The following AGAP1 variants were observed in gnomAD, a reference collection of about 807,000 sequenced individuals.
AGAP1 encodes ArfGAP with GTPase domain, ankyrin repeat and PH domain 1.
AGAP1 carries 29 observed loss-of-function variants against 105.3 expected under a neutral mutation model. The ratio of observed to expected loss-of-function variants is 0.28; its 90% CI spans 0.21 to 0.38. The LOEUF (loss-of-function observed/expected upper bound fraction) is 0.38, where lower values mean the gene tolerates loss of function less well. AGAP1 is among the 10% of genes least tolerant of loss of function. The pLI is 1.00. For synonymous variants in AGAP1, 509 were observed against 485.9 expected (o/e 1.05, Z -0.63); for missense variants, 998 against 1,165.1 (o/e 0.86, Z 2.09).
rs144224369 is a variant in AGAP1 at position 235,825,652 on chromosome 2, A to G, written c.1050+18321A>G. Among the ~76,000 whole-genome samples the G allele has an allele frequency of 2.6e-5, 4 of 152,374 alleles. No individual in the cohort carries two copies. The East Asian group carries it at 7.7e-4, about 29-fold the overall frequency. On this transcript the variant is annotated intron_variant, in intron 9 of 17. Transcript: ENST00000304032. Reference sequence around the variant, plus strand: ...CTTCATTAAAAAGCTTAAGATGGCTAGAACTAAATATACATTGAACACAAT... The same window carrying G: ...CTTCATTAAAAAGCTTAAGATGGCTGGAACTAAATATACATTGAACACAAT...
At position 235,961,705 on chromosome 2, in the gene AGAP1, C is replaced by A. The variant is rs1051060733; in HGVS notation, c.1484-6757C>A. On this transcript the variant is annotated intron_variant, in intron 12 of 17. Coordinates refer to ENST00000304032, the MANE Select transcript of AGAP1 (RefSeq NM_001037131.3). The surrounding 1 kb of genome is among the most constrained non-coding windows in gnomAD (Gnocchi z 5.9). Reference sequence around the variant, plus strand: ...CGGATGGATCATGAGGTCAAGAGATCGAGACCATCCTGGCCAACATGTTGA... The same window carrying A: ...CGGATGGATCATGAGGTCAAGAGATAGAGACCATCCTGGCCAACATGTTGA... 6.6e-6 allele frequency among the ~76,000 whole-genome samples: 1 copy of A among 152,130 alleles called. No individual in the cohort carries two copies. The highest frequency in any genetic ancestry group is 2.1e-4 in the South Asian group (1 of 4,830).
intron 1 of AGAP1, among the ~76,000 whole-genome samples, chr2:235,644,323 C>G (rs1947301105): frequency 6.6e-6 from 1 of 152,200 alleles, no homozygotes; most frequent in Non-Finnish European, 1.5e-5. Context: ...CGATCTCTGT[C>G]CCGTTCACTG....
chr2:235,595,844 G>T (rs1312208866), intron 1 of AGAP1, among the ~76,000 whole-genome samples: 8 of 152,154 alleles, frequency 5.3e-5, no homozygotes, highest in Non-Finnish European at 7.3e-5. Context: ...AAAATTATAC[G>T]TTTACTTGCC....
rs2051254843 is a variant in AGAP1 at position 235,905,365 on chromosome 2, A to T, written c.1156-3373A>T. Among the ~76,000 whole-genome samples the T allele has an allele frequency of 6.6e-6, 1 of 152,246 alleles. No individual in the cohort carries two copies. On this transcript the variant is annotated intron_variant, in intron 10 of 17. Transcript: ENST00000304032. The surrounding 1 kb of genome is among the most constrained non-coding windows in gnomAD (Gnocchi z 4.2). ...AAGGAATTCATTATTTACAAGCATT[A>T]ACTTTGGTTTGGAAAGTTGGGTTTG...
chr2:235,825,927 T>C (rs1443859407), intron 9 of AGAP1, among the ~76,000 whole-genome samples: 2 of 152,216 alleles, frequency 1.3e-5, no homozygotes, highest in Non-Finnish European at 2.9e-5. Context: ...CACAGTGTGC[T>C]GCTTTCACAT....
In AGAP1 at chr2:235,795,673, ATAG is replaced by A. The variant is rs530276324; in HGVS notation, c.674-2082_674-2080del. Among the ~76,000 whole-genome samples, 228 of 152,318 alleles carry A rather than the reference ATAG, an allele frequency of 1.5e-3. 1 individual carries two copies. Among genetic ancestry groups the A allele is most frequent in the Non-Finnish European group, 2.3e-3 (155 of 68,034 alleles). On this transcript the variant is annotated intron_variant, in intron 6 of 17. Transcript: ENST00000304032. ...GAAATAGGACAAATATGAAAAAAAA[ATAG>A]TAGAGTTTAAAAACTACTACCAGTT...
chr2:236,018,661 A>G (rs999753977), intron 13 of AGAP1, among the ~76,000 whole-genome samples: 2 of 152,242 alleles, frequency 1.3e-5, no homozygotes, highest in African/African-American at 4.8e-5. Flanking sequence ...TGCCAAGCCC[A>G]TTCCCTGGCA....
In AGAP1 at chr2:235,965,392, C is replaced by T. The variant is rs1032603329; in HGVS notation, c.1484-3070C>T. 1.6e-4 allele frequency among the ~76,000 whole-genome samples: 25 copies of T among 151,910 alleles called. No individual in the cohort carries two copies. The highest frequency in any genetic ancestry group is 2.5e-4 in the Non-Finnish European group (17 of 67,986). ...TAAGGGAAAGGAAGTCTTACGGGGG[C>T]GAAGGAAGGCACAGTGAAACAGTGT... On this transcript the variant is annotated intron_variant, in intron 12 of 17. Transcript: ENST00000304032. This position sits in a 1 kb window ranked among gnomAD's most constrained non-coding sequence, Gnocchi z 5.8.
chr2:235,849,178 A>G (rs1961860780), intron 9 of AGAP1, among the ~76,000 whole-genome samples: 1 of 152,212 alleles, frequency 6.6e-6, no homozygotes, highest in South Asian at 2.1e-4. Flanking sequence ...AATTTAATGA[A>G]ATTAACTGCA....
At chr2:235,911,296 G>A (rs370507100) in intron 11 of AGAP1, among the ~76,000 whole-genome samples, 13 of 152,218 alleles carry the variant, frequency 8.5e-5, no homozygotes, top group African/African-American at 2.9e-4. Flanking sequence ...GAGGCCACAC[G>A]GAGCCACAGG....
At chr2:235,868,001 T>C (rs2049263513) in intron 9 of AGAP1, among the ~76,000 whole-genome samples, 2 of 152,172 alleles carry the variant, frequency 1.3e-5, no homozygotes, top group Non-Finnish European at 2.9e-5. Context: ...AATTATTAAA[T>C]GCAAATGTGT....
At position 235,662,814 on chromosome 2, in the gene AGAP1, A is replaced by T. The variant is rs1267422811; in HGVS notation, c.164-46365A>T. Among the ~76,000 whole-genome samples, 1 of 152,078 alleles carries T rather than the reference A, an allele frequency of 6.6e-6. No homozygotes were observed. The highest frequency in any genetic ancestry group is 1.5e-5 in the Non-Finnish European group (1 of 67,998). ...CCTTGCTCCGCTGCAAGAACCCCTC[A>T]CCCTGCTCAGTGCTCCTGGCCACTG... is the stretch of plus-strand genomic sequence containing the variant. On this transcript the variant is annotated intron_variant, in intron 1 of 17. Coordinates refer to ENST00000304032, the MANE Select transcript of AGAP1 (RefSeq NM_001037131.3). The surrounding 1 kb of genome is among the most constrained non-coding windows in gnomAD (Gnocchi z 4.2).
chr2:235,945,129 C>T (rs1182652616), intron 12 of AGAP1, among the ~76,000 whole-genome samples: 3 of 152,122 alleles, frequency 2.0e-5, no homozygotes, highest in Non-Finnish European at 4.4e-5. Context: ...GAGACGGAGT[C>T]TCGCTCTTTT....
chr2:235,563,446 A>G (rs1005904871), intron 1 of AGAP1, among the ~76,000 whole-genome samples: 3 of 152,222 alleles, frequency 2.0e-5, no homozygotes, highest in African/African-American at 7.2e-5. Flanking sequence ...CTGCCCAGGC[A>G]GAAACTAAGA....
chr2:235,852,117 A>G (rs79255262), intron 9 of AGAP1, among the ~76,000 whole-genome samples: 4,059 of 152,242 alleles, frequency 0.027, 163 homozygotes, highest in African/African-American at 0.089. Flanking sequence ...GGAAATGGAA[A>G]TGTATATTTA....
rs1041480130 is a variant in AGAP1, at chr2:236,001,516, TCC to T, written c.1645+32896_1645+32897del. On this transcript the variant is annotated intron_variant, in intron 13 of 17. Coordinates refer to ENST00000304032, the MANE Select transcript of AGAP1 (RefSeq NM_001037131.3). The surrounding 1 kb of genome is among the most constrained non-coding windows in gnomAD (Gnocchi z 4.7). ...GAAGTAGGCAGTGGTGACAGTGGCT[TCC>T]CCAGGCATCAGCGCCACAGGAGGAG... Among the ~76,000 whole-genome samples the T allele has an allele frequency of 4.6e-5, 7 of 151,994 alleles. No homozygotes were observed. The highest frequency in any genetic ancestry group is 1.7e-4 in the African/African-American group (7 of 41,356).
At chr2:235,972,248 T>G (rs758762304) in intron 13 of AGAP1, among the ~76,000 whole-genome samples, 1 of 152,260 alleles carries the variant, frequency 6.6e-6, no homozygotes, top group Non-Finnish European at 1.5e-5. Context: ...GTAAAGTAGT[T>G]GAATTTTATG....
chr2:235,542,141 A>AT (rs1377141030), intron 1 of AGAP1, among the ~76,000 whole-genome samples: 2 of 151,750 alleles, frequency 1.3e-5, no homozygotes, highest in African/African-American at 2.4e-5. Context: ...TGTGCTTTGT[A>AT]TTTTCACTTT....
chr2:235,587,156 C>T (rs979035601), intron 1 of AGAP1, among the ~76,000 whole-genome samples: 1 of 152,156 alleles, frequency 6.6e-6, no homozygotes, highest in Admixed American at 6.5e-5. Flanking sequence ...AATAGACTCA[C>T]GTTGATTTCA....
Sources: gnomAD v4.1 joint callset for allele counts (sites outside exome capture counted in the v4.1 genomes callset) on GRCh38, gnomAD v4.1.1 for gene constraint, Gnocchi (gnomAD v3.1) non-coding constraint, MANE v1.5 for transcripts, NCBI Gene and HGNC (gene_info 2026-07-23, HGNC 2026-07-21) for gene names.